Variants in SIPA1L3 observed in about 807,000 individuals in gnomAD.
The protein encoded by SIPA1L3 is signal-induced proliferation-associated 1-like protein 3.
In SIPA1L3, 59 loss-of-function variants were observed where a neutral mutation model predicts 150.1. The ratio of observed to expected loss-of-function variants is 0.39; its 90% CI spans 0.32 to 0.49. The LOEUF is 0.49. Among genes scored for constraint, SIPA1L3 ranks in the 20% least tolerant of loss-of-function variants. SIPA1L3 has a pLI of 0.86. For missense variants in SIPA1L3, 2,211 were observed against 2,489.5 expected (o/e 0.89, Z 2.38); for synonymous variants, 1,070 against 1,077.6 (o/e 0.99, Z 0.14).
chr19:37,973,665 C>G (rs907814241), intron 1 of SIPA1L3, among the ~76,000 whole-genome samples: 1 of 151,984 alleles, frequency 6.6e-6, no homozygotes, highest in Non-Finnish European at 1.5e-5. Flanking sequence ...TGCCTGTCCC[C>G]CATCCCACAC....
intron 15 of SIPA1L3, among the ~76,000 whole-genome samples, chr19:38,174,216 T>C (rs1972390698): frequency 1.3e-5 from 2 of 152,150 alleles, no homozygotes; most frequent in Non-Finnish European, 1.5e-5. Context: ...AGACCCTCTC[T>C]GTGTCTGCTT....
At chr19:38,140,066 A>T (rs1600125022) in intron 10 of SIPA1L3, among the ~76,000 whole-genome samples, 2 of 152,198 alleles carry the variant, frequency 1.3e-5, no homozygotes, top group South Asian at 4.1e-4. Flanking sequence ...CAGCCTCTGA[A>T]CCACCATATC....
intron 21 of SIPA1L3, among the ~76,000 whole-genome samples, chr19:38,204,794 A>G (rs1973172245): frequency 2.0e-5 from 3 of 152,190 alleles, no homozygotes; most frequent in Admixed American, 1.3e-4. Context: ...ATGTTGATCC[A>G]GTAATTCCAC....
intron 1 of SIPA1L3, among the ~76,000 whole-genome samples, chr19:37,989,392 A>T (rs1027267256): frequency 4.6e-5 from 7 of 152,026 alleles, no homozygotes; most frequent in African/African-American, 1.7e-4. Flanking sequence ...GCTAATTTTT[A>T]AAAAATATTT....
chr19:38,166,955 CT>C (rs1412096531), intron 15 of SIPA1L3, among the ~76,000 whole-genome samples: 2 of 151,682 alleles, frequency 1.3e-5, no homozygotes, highest in African/African-American at 4.8e-5. Context: ...AAAAAGGTGG[CT>C]TTGAGCAGTG....
At chr19:38,128,085 C>T (rs999782452) in intron 9 of SIPA1L3, among the ~76,000 whole-genome samples, 9 of 126,592 alleles carry the variant, frequency 7.1e-5, no homozygotes, top group Admixed American at 6.9e-4. Flanking sequence ...GAGACAGTCT[C>T]GCTCTGTCGC....
At chr19:38,205,962 G>A in intron 21 of SIPA1L3, 135 bp from the exon 22 acceptor site, 1 of 1,025,502 alleles carries the variant, frequency 9.8e-7, no homozygotes, top group Admixed American at 3.1e-5. Context: ...TGGGATGTGT[G>A]CCCCGGCCTG....
At chr19:37,945,902 A>G (rs570465774) in intron 1 of SIPA1L3, among the ~76,000 whole-genome samples, 4 of 151,974 alleles carry the variant, frequency 2.6e-5, no homozygotes, top group East Asian at 3.9e-4. Flanking sequence ...CGCCTGTAAT[A>G]CCAGCACTTT....
At chr19:38,084,154 G>A (rs1287933936) in intron 3 of SIPA1L3, among the ~76,000 whole-genome samples, 1 of 152,110 alleles carries the variant, frequency 6.6e-6, no homozygotes, top group Non-Finnish European at 1.5e-5. Flanking sequence ...TGCATGGCAT[G>A]ATCCCCCACT....
At position 38,193,641 on chromosome 19, in the gene SIPA1L3, G is replaced by A; in HGVS notation, c.4701G>A (p.Leu1567=). The change falls in exon 18 of 22, where the codon CTG becomes CTA. Residue 1567 remains leucine, a synonymous_variant. Transcript: ENST00000222345. ...FASPAGLEPG[L]PSDVLFTSTC... The stretch of plus-strand genomic sequence containing the variant: ...GCCCCGCTGGCCTAGAGCCAGGGCT[G>A]CCCAGCGACGTGCTCTTCACCAGCA... 6.3e-7 allele frequency: 1 copy of A among 1,579,104 alleles called. No homozygotes were observed. The highest frequency in any genetic ancestry group is 8.5e-7 in the Non-Finnish European group (1 of 1,170,460).
chr19:38,117,544 G>A (rs1021619876), intron 8 of SIPA1L3, among the ~76,000 whole-genome samples: 11 of 152,020 alleles, frequency 7.2e-5, no homozygotes, highest in Non-Finnish European at 1.2e-4. Flanking sequence ...GCTTGACCCC[G>A]GGAGGCGGAG....
At chr19:38,093,985 C>G (rs1245614283) in intron 4 of SIPA1L3, among the ~76,000 whole-genome samples, 1 of 152,214 alleles carries the variant, frequency 6.6e-6, no homozygotes, top group Non-Finnish European at 1.5e-5. Flanking sequence ...AACTGTGTGG[C>G]ACCCCCCCAC....
At chr19:38,171,401 T>C (rs1214666690) in intron 15 of SIPA1L3, among the ~76,000 whole-genome samples, 1 of 148,294 alleles carries the variant, frequency 6.7e-6, no homozygotes, top group Non-Finnish European at 1.5e-5. Flanking sequence ...TTTTTTTTTT[T>C]TTTTTTTTGA....
chr19:37,961,500 G>A (rs2046857990), intron 1 of SIPA1L3, among the ~76,000 whole-genome samples: 1 of 151,876 alleles, frequency 6.6e-6, no homozygotes, highest in Non-Finnish European at 1.5e-5. Context: ...TTCCTACTTT[G>A]AAGCTTTTCT....
chr19:38,081,507 G>T lies in SIPA1L3; in HGVS notation c.-59G>T. On this transcript the variant is annotated 5_prime_UTR_variant, in exon 3 of 22. Transcript: ENST00000222345. ...CCTGAACAATGGCTGAGGGCTGGGG[G>T]ACCCCATAGAGTGACACCACAGCGT... 2 of 1,472,466 alleles carry T rather than the reference G, an allele frequency of 1.4e-6. No homozygotes were observed. Among genetic ancestry groups the T allele is most frequent in the Non-Finnish European group, 1.8e-6 (2 of 1,094,784 alleles). The allele number at this position is 1,472,466 out of a possible 1,614,324, so 91.2% of individuals were successfully genotyped here. A position where few individuals can be genotyped will look rare whatever the true frequency, so the allele number is the denominator to read the frequency against.
intron 10 of SIPA1L3, among the ~76,000 whole-genome samples, chr19:38,133,121 T>G (rs1600114937): frequency 6.6e-6 from 1 of 152,012 alleles, no homozygotes; most frequent in African/African-American, 2.4e-5. Context: ...CAATGGGATG[T>G]CTTTCGGCCG....
At chr19:37,964,275 T>C (rs1287844806) in intron 1 of SIPA1L3, 1 of 152,078 alleles carries the variant, frequency 6.6e-6, no homozygotes, top group Non-Finnish European at 1.5e-5. Context: ...TGGTGGTGCA[T>C]GCCTGTGGTC....
At chr19:38,185,840 A>G (rs527791744) in intron 16 of SIPA1L3, 1 of 152,222 alleles carries the variant, frequency 6.6e-6, no homozygotes, top group South Asian at 2.1e-4. Flanking sequence ...TCTGTCTCCA[A>G]ATGAGGTCAC....
chr19:38,207,971 C>G lies in SIPA1L3; in HGVS notation c.*1731C>G, dbSNP rs1190245460. 2 of 152,148 alleles carry G rather than the reference C, an allele frequency of 1.3e-5. No individual in the cohort carries two copies. The highest frequency in any genetic ancestry group is 3.9e-4 in the East Asian group (2 of 5,146). 9.4% of individuals were successfully genotyped at this position (152,148 alleles called of 1,614,324 possible). A position where few individuals can be genotyped will look rare whatever the true frequency, so the allele number is the denominator to read the frequency against. ...ACTGTGATGCCATCTTCTCCCCCAT[C>G]CCCTTCTCTGGGGGGCCCACCCGTC... is the stretch of plus-strand genomic sequence containing the variant. On this transcript the variant is annotated 3_prime_UTR_variant, in exon 22 of 22. Transcript: ENST00000222345.
Sources: allele counts gnomAD v4.1 joint callset (sites outside exome capture counted in the v4.1 genomes callset), GRCh38; gene constraint gnomAD v4.1.1; transcripts MANE v1.5; gene names NCBI Gene and HGNC (gene_info 2026-07-23, HGNC 2026-07-21).